Variants in MDGA2 observed in about 807,000 individuals in gnomAD.
MDGA2 encodes MAM domain containing glycosylphosphatidylinositol anchor 2.
MDGA2 carries 40 observed loss-of-function variants against 117.8 expected under a neutral mutation model. The ratio of observed to expected loss-of-function variants is 0.34; its 90% CI spans 0.26 to 0.44. The LOEUF (loss-of-function observed/expected upper bound fraction) is 0.44. Ranked by LOEUF, MDGA2 falls within the 20% of genes least tolerant of loss-of-function variation. The pLI, the probability that MDGA2 is intolerant of heterozygous loss-of-function variation, is 1.00. For missense variants in MDGA2, 1,123 were observed against 1,250.6 expected (o/e 0.90, Z 1.54); for synonymous variants, 452 against 439.0 (o/e 1.03, Z -0.37).
At chr14:46,965,566 T>C (rs1320416488) in intron 8 of MDGA2, among the ~76,000 whole-genome samples, 1 of 152,158 alleles carries the variant, frequency 6.6e-6, no homozygotes, top group Non-Finnish European at 1.5e-5. Context: ...AGCTAAATAA[T>C]ATTAAACCAA....
intron 1 of MDGA2, among the ~76,000 whole-genome samples, chr14:47,631,123 C>T (rs1566550108): frequency 6.6e-6 from 1 of 152,194 alleles, no homozygotes; most frequent in East Asian, 1.9e-4. Context: ...TTCCTAGATG[C>T]TACCTCTTAG....
chr14:47,219,548 GGAAGCATA>G (rs1402760797), intron 2 of MDGA2, among the ~76,000 whole-genome samples: 1 of 151,842 alleles, frequency 6.6e-6, no homozygotes, highest in African/African-American at 2.4e-5. Context: ...TGTCAAAAAT[GGAAGCATA>G]CTAACACTTT....
intron 10 of MDGA2, among the ~76,000 whole-genome samples, chr14:46,915,592 A>G (rs561319326): frequency 1.3e-5 from 2 of 152,320 alleles, no homozygotes; most frequent in East Asian, 1.9e-4. Context: ...TAATATGAAG[A>G]AAGCCCATAT....
At chr14:47,453,067 C>T (rs1457737971) in intron 1 of MDGA2, among the ~76,000 whole-genome samples, 1 of 151,944 alleles carries the variant, frequency 6.6e-6, no homozygotes, top group Non-Finnish European at 1.5e-5. Flanking sequence ...ATAATAATTT[C>T]TCATTTTCTA....
chr14:46,880,548 A>T (rs1334304464), intron 11 of MDGA2, among the ~76,000 whole-genome samples: 4 of 151,922 alleles, frequency 2.6e-5, no homozygotes, highest in Non-Finnish European at 5.9e-5. Context: ...TCATGCCTGT[A>T]ATCTAGCACT....
At chr14:46,845,733 T>C in intron 16 of MDGA2, 33 bp downstream of exon 16, 1 of 1,357,176 alleles carries the variant, frequency 7.4e-7, no homozygotes. Context: ...ACTTTAACGT[T>C]ACAACAAACC....
chr14:47,630,355 A>G (rs1194159087), intron 1 of MDGA2, among the ~76,000 whole-genome samples: 3 of 152,200 alleles, frequency 2.0e-5, no homozygotes, highest in African/African-American at 7.2e-5. Flanking sequence ...TTGAGTATAT[A>G]TGTATGTAGT....
At chr14:46,929,709 G>A (rs189574375) in intron 9 of MDGA2, among the ~76,000 whole-genome samples, 1 of 137,074 alleles carries the variant, frequency 7.3e-6, no homozygotes, top group East Asian at 2.2e-4. Context: ...GGAGTGCAAT[G>A]GTGCGATCTT....
rs548310150 is a variant in MDGA2 at position 47,108,253 on chromosome 14, G to A, written c.926-11130C>T. Reference sequence around the variant, plus strand: ...CCATAACACCCCCCAAAAAATTTTCGCCGCCCCAACACTTCAACACTATTT... The same window carrying A: ...CCATAACACCCCCCAAAAAATTTTCACCGCCCCAACACTTCAACACTATTT... On this transcript the variant is annotated intron_variant, in intron 5 of 16. Coordinates refer to ENST00000399232, the MANE Select transcript of MDGA2 (RefSeq NM_001113498.3). 6.8e-4 allele frequency among the ~76,000 whole-genome samples: 103 copies of A among 152,066 alleles called. 2 individuals carry two copies. The highest frequency in any genetic ancestry group is 2.4e-3 in the African/African-American group (98 of 41,468).
chr14:47,023,711 T>A (rs1180629567), intron 8 of MDGA2, among the ~76,000 whole-genome samples: 1 of 152,242 alleles, frequency 6.6e-6, no homozygotes, highest in East Asian at 1.9e-4. Context: ...AAAAAATAAT[T>A]AAAAGGAATT....
At chr14:47,164,531 G>C (rs1463187910) in intron 3 of MDGA2, among the ~76,000 whole-genome samples, 1 of 152,172 alleles carries the variant, frequency 6.6e-6, no homozygotes, top group African/African-American at 2.4e-5. Context: ...TCAGAGAAAT[G>C]CAAATCAAAA....
At chr14:47,381,168 A>T (rs542599703) in intron 1 of MDGA2, among the ~76,000 whole-genome samples, 3 of 152,248 alleles carry the variant, frequency 2.0e-5, no homozygotes, top group East Asian at 1.9e-4. Context: ...CAGCCCTTCA[A>T]GCTAAAAACT....
intron 1 of MDGA2, among the ~76,000 whole-genome samples, chr14:47,322,462 C>T (rs1424259907): frequency 4.0e-5 from 6 of 151,872 alleles, no homozygotes. Flanking sequence ...ATAAGGAAGC[C>T]TAAAAAATAA....
At chr14:47,581,576 C>T (rs2138840980) in intron 1 of MDGA2, among the ~76,000 whole-genome samples, 1 of 151,932 alleles carries the variant, frequency 6.6e-6, no homozygotes, top group South Asian at 2.1e-4. Flanking sequence ...TTTTGTTGTC[C>T]CATTGATTTT....
At chr14:47,112,221 T>G (rs1293081626) in intron 5 of MDGA2, among the ~76,000 whole-genome samples, 3 of 152,208 alleles carry the variant, frequency 2.0e-5, no homozygotes. Flanking sequence ...GAAAATTTTT[T>G]GCTTATGCTT....
chr14:46,988,817 G>A (rs955311949), intron 8 of MDGA2, among the ~76,000 whole-genome samples: 29 of 152,028 alleles, frequency 1.9e-4, no homozygotes, highest in African/African-American at 7.0e-4. Context: ...GATTCTTTGA[G>A]AAGAGTAATT....
chr14:47,504,377 G>C (rs1894466588), intron 1 of MDGA2, among the ~76,000 whole-genome samples: 1 of 151,904 alleles, frequency 6.6e-6, no homozygotes, highest in Admixed American at 6.6e-5. Flanking sequence ...TACAACAGTT[G>C]GTGGGTAATT....
At chr14:47,237,983 G>A (rs1311765311) in intron 2 of MDGA2, among the ~76,000 whole-genome samples, 2 of 152,012 alleles carry the variant, frequency 1.3e-5, no homozygotes, top group East Asian at 3.9e-4. Context: ...CTGTTCACCA[G>A]GCCCTATATC....
At chr14:46,989,946 A>G (rs940586414) in intron 8 of MDGA2, among the ~76,000 whole-genome samples, 4 of 152,148 alleles carry the variant, frequency 2.6e-5, no homozygotes, top group Admixed American at 2.0e-4. Flanking sequence ...TGAAATTAAA[A>G]TAACAGCCCC....
Sources: gnomAD v4.1 joint callset for allele counts (sites outside exome capture counted in the v4.1 genomes callset) on GRCh38, gnomAD v4.1.1 for gene constraint, MANE v1.5 for transcripts, NCBI Gene and HGNC (gene_info 2026-07-23, HGNC 2026-07-21) for gene names.